Variants in VPS35L observed in about 807,000 individuals in gnomAD.
VPS35L encodes the protein VPS35 endosomal protein-sorting factor-like.
A neutral mutation model predicts 133.0 loss-of-function variants in VPS35L; 83 were observed. The observed-to-expected ratio is 0.62, with a 90% CI of 0.52 to 0.75. The LOEUF (loss-of-function observed/expected upper bound fraction) is 0.75, where lower values mean the gene tolerates loss of function less well. VPS35L is among the 30% of genes least tolerant of loss of function. The pLI is 0.00. For synonymous variants in VPS35L, 423 were observed against 449.9 expected, an observed-to-expected ratio of 0.94 and a Z score of 0.76; for missense variants, 1,083 against 1,206.8, an observed-to-expected ratio of 0.90 and a Z score of 1.52.
intron 3 of VPS35L, among the ~76,000 whole-genome samples, chr16:19,572,361 T>C (rs1971409987): frequency 6.6e-6 from 1 of 152,068 alleles, no homozygotes; most frequent in South Asian, 2.1e-4. Flanking sequence ...GAGATTGCAG[T>C]GAGTAGAGAT....
chr16:19,578,325 G>T, intron 5 of VPS35L: 1 of 442,322 alleles, frequency 2.3e-6, no homozygotes, highest in Non-Finnish European at 4.5e-6. Context: ...AGTGAGCCGA[G>T]ATCGCGCCAC....
intron 26 of VPS35L, among the ~76,000 whole-genome samples, chr16:19,662,436 C>T (rs927222427): frequency 6.6e-6 from 1 of 152,196 alleles, no homozygotes; most frequent in African/African-American, 2.4e-5. Context: ...GATATTTTGC[C>T]TGTCAGCATG....
intron 21 of VPS35L, among the ~76,000 whole-genome samples, chr16:19,641,607 A>C (rs899978964): frequency 1.3e-5 from 2 of 152,222 alleles, no homozygotes; most frequent in Non-Finnish European, 2.9e-5. Flanking sequence ...CTAAGGATTA[A>C]TATTAATTCC....
At chr16:19,588,328 G>A (rs1368114810) in intron 7 of VPS35L, among the ~76,000 whole-genome samples, 2 of 151,160 alleles carry the variant, frequency 1.3e-5, no homozygotes, top group East Asian at 2.0e-4. Context: ...CTTGGATTAC[G>A]GGCATCTGCC....
In VPS35L at chr16:19,680,970, A is replaced by G. The variant is rs543446196; in HGVS notation, c.2362-1255A>G. Among the ~76,000 whole-genome samples, 25 of 147,752 alleles carry G rather than the reference A, an allele frequency of 1.7e-4. No individual in the cohort carries two copies. The Middle Eastern group carries it at 0.014, about 85-fold the overall frequency. ...GATGAAGAGAGAGTAAGAGGACTGC[A>G]GATGGAATGTCAGGGAAGGCCTCAT... On this transcript the variant is annotated intron_variant, in intron 27 of 30. Transcript: ENST00000417362.
intron 26 of VPS35L, among the ~76,000 whole-genome samples, chr16:19,664,195 AC>A (rs1974586298): frequency 6.6e-6 from 1 of 152,154 alleles, no homozygotes; most frequent in Non-Finnish European, 1.5e-5. Flanking sequence ...AACAATTCTT[AC>A]AATAGAGCAG....
chr16:19,613,197 G>A (rs750990745), intron 12 of VPS35L, among the ~76,000 whole-genome samples: 5 of 152,178 alleles, frequency 3.3e-5, no homozygotes, highest in Non-Finnish European at 5.9e-5. Flanking sequence ...CAGCTACTCG[G>A]AAGGCTGAGG....
chr16:19,700,250 C>G lies in VPS35L; in HGVS notation c.2794-128C>G, dbSNP rs8044689. ...TGAAGACTTTGATTTCTTCCCTCCT[C>G]TCATCCCTCAAAAAACTCACTCTTC... On this transcript the variant is annotated intron_variant, in intron 30 of 30. Transcript: ENST00000417362. 0.016 allele frequency: 11,799 copies of G among 751,818 alleles called. 953 individuals are homozygous for G. The African/African-American group carries it at 0.18, about 11-fold the overall frequency. 46.6% of individuals were successfully genotyped at this position (751,818 alleles called of 1,614,324 possible). A position where few individuals can be genotyped will look rare whatever the true frequency, so the allele number is the denominator to read the frequency against.
intron 29 of VPS35L, among the ~76,000 whole-genome samples, chr16:19,693,479 A>T (rs576923601): frequency 3.5e-5 from 5 of 143,440 alleles, no homozygotes; most frequent in African/African-American, 1.4e-4. Context: ...TGTCTCTATT[A>T]AAAAAAAAAT....
intron 8 of VPS35L, among the ~76,000 whole-genome samples, chr16:19,601,424 AT>A (rs147219686): frequency 0.13 from 20,402 of 152,148 alleles, 1,865 homozygotes; most frequent in Non-Finnish European, 0.2. Context: ...ACTCCTTTAG[AT>A]TCCAAAGGGT....
At chr16:19,558,938 A>G (rs1970943153) in intron 1 of VPS35L, among the ~76,000 whole-genome samples, 1 of 142,074 alleles carries the variant, frequency 7.0e-6, no homozygotes, top group African/African-American at 2.6e-5. Context: ...AAAAAAAAAA[A>G]CAACCCTTGG....
chr16:19,700,418 C>T lies in VPS35L; in HGVS notation c.2834C>T (p.Pro945Leu). 1.2e-6 allele frequency: 2 copies of T among 1,614,130 alleles called. No homozygotes were observed. The highest frequency in any genetic ancestry group is 1.7e-6 in the Non-Finnish European group (2 of 1,180,010). The change falls in exon 31 of 31, where the codon CCA (proline) becomes CTA (leucine). Residue 945 changes from proline (P) to leucine (L), a missense_variant. Pro to Leu is a moderately conservative substitution (Grantham distance 98). Transcript: ENST00000417362. ...TACATCAAGAAGCAAAGCAAACAAC[C>T]AGACATGACTCATCTGACGGAGCTG... The part of the protein sequence containing the change: ...LEYIKKQSKQ[P>L]DMTHLTELAL...
At chr16:19,587,048 G>A (rs1363340589) in intron 7 of VPS35L, among the ~76,000 whole-genome samples, 1 of 152,080 alleles carries the variant, frequency 6.6e-6, no homozygotes, top group East Asian at 1.9e-4. Context: ...CGTGGCAGAA[G>A]GCAAAGGGGA....
intron 29 of VPS35L, among the ~76,000 whole-genome samples, chr16:19,696,745 C>T (rs1260752192): frequency 6.6e-6 from 1 of 151,896 alleles, no homozygotes; most frequent in Admixed American, 6.6e-5. Context: ...AAAACACATG[C>T]GAATTGAGCT....
At chr16:19,574,141 CAA>C (rs1327103477) in intron 4 of VPS35L, among the ~76,000 whole-genome samples, 2 of 152,146 alleles carry the variant, frequency 1.3e-5, no homozygotes, top group African/African-American at 4.8e-5. Context: ...ACATTGTAAA[CAA>C]GAGTGACCTG....
At chr16:19,637,035 C>CTATATG (rs1973643363) in intron 19 of VPS35L, among the ~76,000 whole-genome samples, 2 of 152,216 alleles carry the variant, frequency 1.3e-5, no homozygotes, top group African/African-American at 4.8e-5. Context: ...AGCCCATAGG[C>CTATATG]TATATGTAGC....
At chr16:19,606,226 G>T (rs893747429) in intron 9 of VPS35L, among the ~76,000 whole-genome samples, 2 of 152,200 alleles carry the variant, frequency 1.3e-5, no homozygotes, top group Non-Finnish European at 2.9e-5. Flanking sequence ...CAGCTAGACA[G>T]TGAGAGATTT....
rs5816061 is a variant in VPS35L, at chr16:19,597,372, GAAA to G, written c.725-4281_725-4279del. 1.0e-3 allele frequency among the ~76,000 whole-genome samples: 141 copies of G among 135,584 alleles called. 1 individual carries two copies. Among genetic ancestry groups the G allele is most frequent in the African/African-American group, 3.6e-3 (138 of 38,580 alleles). 88.9% of individuals were successfully genotyped at this position (135,584 alleles called of 152,430 possible). ...AAGTAAGACCCTGTCTCAAAAAGAA[GAAA>G]AAAAAAAAAAGAAAGGAGGAAAATG... On this transcript the variant is annotated intron_variant, in intron 8 of 30. Transcript: ENST00000417362.
intron 5 of VPS35L, 64 bp from the exon 6 acceptor site, chr16:19,578,988 C>A: frequency 7.7e-7 from 1 of 1,292,812 alleles, no homozygotes; most frequent in Non-Finnish European, 1.1e-6. Flanking sequence ...GTGAAAGATG[C>A]CTCCACTGGG....
Sources: allele counts gnomAD v4.1 joint callset (sites outside exome capture counted in the v4.1 genomes callset), GRCh38; gene constraint gnomAD v4.1.1; transcripts MANE v1.5; gene names NCBI Gene and HGNC (gene_info 2026-07-23, HGNC 2026-07-21).